Variants in RNF157 observed in about 807,000 individuals in gnomAD.
RNF157 encodes ring finger protein 157, also known as E3 ubiquitin ligase RNF157.
RNF157 carries 55 observed loss-of-function variants against 88.3 expected under a neutral mutation model. The observed-to-expected ratio is 0.62, with a 90% CI of 0.50 to 0.78. RNF157 has a LOEUF of 0.78. Among genes scored for constraint, RNF157 ranks in the 30% least tolerant of loss-of-function variants. RNF157 has a pLI of 0.00. For synonymous variants in RNF157, 334 were observed against 341.2 expected, an observed-to-expected ratio of 0.98 and a Z score of 0.23; for missense variants, 788 against 860.8, an observed-to-expected ratio of 0.92 and a Z score of 1.06.
chr17:76,194,831 T>A (rs371195412), intron 2 of RNF157, among the ~76,000 whole-genome samples: 2 of 151,946 alleles, frequency 1.3e-5, no homozygotes, highest in East Asian at 1.9e-4. Context: ...CTGGCTAACA[T>A]GGTGAAACCC....
At chr17:76,178,910 C>T (rs1479642002) in intron 2 of RNF157, among the ~76,000 whole-genome samples, 1 of 152,012 alleles carries the variant, frequency 6.6e-6, no homozygotes, top group African/African-American at 2.4e-5. Context: ...CCCCAAGACG[C>T]TCTGGATGCA....
intron 18 of RNF157, among the ~76,000 whole-genome samples, chr17:76,145,772 G>A (rs2068575958): frequency 6.6e-6 from 1 of 152,220 alleles, no homozygotes; most frequent in South Asian, 2.1e-4. Context: ...TGAGAAGACT[G>A]TTCGTTCTGG....
rs1160661012 is a variant in RNF157, at chr17:76,196,000, T to C, written c.207+16364A>G. 2.0e-5 allele frequency among the ~76,000 whole-genome samples: 3 copies of C among 152,224 alleles called. No homozygotes were observed. The highest frequency in any genetic ancestry group is 7.2e-5 in the African/African-American group (3 of 41,470). On this transcript the variant is annotated intron_variant, in intron 2 of 18. Transcript: ENST00000269391. The surrounding 1 kb of genome is among the most constrained non-coding windows in gnomAD (Gnocchi z 4.4). The stretch of plus-strand genomic sequence containing the variant: ...GGAAGGTACTATCCTTCTTGAAATT[T>C]CTTTATAATTTGTCCCTTAATTTGC...
intron 2 of RNF157, among the ~76,000 whole-genome samples, chr17:76,185,626 C>T (rs1246372228): frequency 1.3e-5 from 2 of 151,826 alleles, no homozygotes; most frequent in East Asian, 1.9e-4. Flanking sequence ...CCCGCTACCA[C>T]GCCCGGCTAA....
chr17:76,236,437 T>C (rs1399483048), intron 1 of RNF157, among the ~76,000 whole-genome samples: 1 of 152,204 alleles, frequency 6.6e-6, no homozygotes, highest in Non-Finnish European at 1.5e-5. Flanking sequence ...CTTTCTTTGC[T>C]AAACAAATGA....
chr17:76,239,680 G>A (rs944736490), intron 1 of RNF157, among the ~76,000 whole-genome samples: 1 of 152,180 alleles, frequency 6.6e-6, no homozygotes, highest in African/African-American at 2.4e-5. Context: ...CCAGGAGACG[G>A]CAGCGCAGGG....
At chr17:76,162,030 A>G (rs1000291720) in intron 9 of RNF157, 28 bp from the exon 10 acceptor site, 3 of 1,607,526 alleles carry the variant, frequency 1.9e-6, no homozygotes, top group Admixed American at 3.3e-5. Flanking sequence ...AATGTAGCCA[A>G]TGGCACAAAG....
intron 1 of RNF157, among the ~76,000 whole-genome samples, chr17:76,220,593 G>C (rs1467514573): frequency 1.3e-5 from 2 of 152,100 alleles, no homozygotes; most frequent in African/African-American, 4.8e-5. Context: ...GGAAGGCCTT[G>C]AGCCCAGAAG....
intron 1 of RNF157, among the ~76,000 whole-genome samples, chr17:76,214,126 G>A (rs1053525911): frequency 2.0e-5 from 3 of 152,164 alleles, no homozygotes; most frequent in African/African-American, 7.2e-5. Context: ...TGGGGCTTGC[G>A]ATGGGCATCA....
intron 1 of RNF157, among the ~76,000 whole-genome samples, chr17:76,239,204 A>C (rs1204135254): frequency 6.6e-6 from 1 of 152,226 alleles, no homozygotes; most frequent in East Asian, 1.9e-4. Context: ...ATTAATTAAA[A>C]TAAAACTACT....
Position 76,146,355 on chromosome 17 carries a change from A to T in RNF157, c.1922-1002T>A, listed in dbSNP as rs935873710. ...GAGCGTTGGTGAGTATCTGACTCCT[A>T]GAATAGCCTGTGCTCAGGCTCCTCC... On this transcript the variant is annotated intron_variant, in intron 18 of 18. Transcript: ENST00000269391. This position sits in a 1 kb window ranked among gnomAD's most constrained non-coding sequence, Gnocchi z 4.2. 2.0e-6 allele frequency: 2 copies of T among 985,320 alleles called. No individual in the cohort carries two copies. Among genetic ancestry groups the T allele is most frequent in the African/African-American group, 3.5e-5 (2 of 57,192 alleles). The allele number at this position is 985,320 out of a possible 1,614,324, so 61.0% of individuals were successfully genotyped here.
intron 17 of RNF157, chr17:76,153,983 T>C: frequency 3.2e-6 from 1 of 317,158 alleles, no homozygotes; most frequent in African/African-American, 2.2e-5. Flanking sequence ...AGGCTGATGA[T>C]GGGAGCTGCT....
Position 76,211,859 on chromosome 17 carries a change from C to G in RNF157, c.207+505G>C, listed in dbSNP as rs531450865. On this transcript the variant is annotated intron_variant, in intron 2 of 18. Transcript: ENST00000269391. ...AGAGAAATGTATTCTCATATCAACT[C>G]ATATATCAAGAGAAAAATTTTCAGT... 695 of 152,604 alleles carry G rather than the reference C, an allele frequency of 4.6e-3. 3 individuals carry two copies. Among genetic ancestry groups the G allele is most frequent in the Non-Finnish European group, 8.2e-3 (560 of 68,264 alleles). 9.5% of individuals were successfully genotyped at this position (152,604 alleles called of 1,614,324 possible). A position where few individuals can be genotyped will look rare whatever the true frequency, so the allele number is the denominator to read the frequency against.
intron 8 of RNF157, chr17:76,163,690 G>A (rs892928492): frequency 6.6e-6 from 1 of 152,212 alleles, no homozygotes; most frequent in Admixed American, 6.5e-5. Context: ...CGTTTTAACA[G>A]TCTGTTGCTA....
At chr17:76,223,123 C>T (rs1001359492) in intron 1 of RNF157, among the ~76,000 whole-genome samples, 2 of 151,654 alleles carry the variant, frequency 1.3e-5, no homozygotes, top group Non-Finnish European at 2.9e-5. Context: ...ATCTCCTGAC[C>T]TCGTGATCCG....
At chr17:76,230,858 AAGAGAG>A (rs1157555551) in intron 1 of RNF157, among the ~76,000 whole-genome samples, 1,371 of 55,048 alleles carry the variant, frequency 0.025, 19 homozygotes, top group East Asian at 0.057. Flanking sequence ...AAAAAAAAAA[AAGAGAG>A]AGAGAGAGAG....
intron 2 of RNF157, among the ~76,000 whole-genome samples, chr17:76,174,968 A>G (rs2069080425): frequency 6.6e-6 from 1 of 152,238 alleles, no homozygotes; most frequent in South Asian, 2.1e-4. Context: ...ACAAAGTAAT[A>G]TATGTTTAAG....
In RNF157 at chr17:76,167,109, T is replaced by C; in HGVS notation, c.461A>G (p.Asn154Ser). 1 of 1,612,390 alleles carries C rather than the reference T, an allele frequency of 6.2e-7. No individual in the cohort carries two copies. Among genetic ancestry groups the C allele is most frequent in the African/African-American group, 1.3e-5 (1 of 74,978 alleles). The part of the protein sequence containing the change: ...NGIASYIPKD[N>S]SLQSETVQYK... ...CTGCACAGTCTCCGACTGGAGGCTG[T>C]TGTCTTTGGGAATGTAGCTATTGAT... Residue 154 changes from asparagine (N) to serine (S), a missense_variant, in exon 5 of 19, where the codon AAC (asparagine) becomes AGC (serine). Coordinates refer to ENST00000269391, the MANE Select transcript of RNF157 (RefSeq NM_052916.3).
At chr17:76,231,479 G>A (rs990221248) in intron 1 of RNF157, among the ~76,000 whole-genome samples, 3 of 151,658 alleles carry the variant, frequency 2.0e-5, no homozygotes, top group Non-Finnish European at 4.4e-5. Context: ...AAAATTTTTT[G>A]TAGAGATGAG....
Sources: allele counts gnomAD v4.1 joint callset (sites outside exome capture counted in the v4.1 genomes callset), GRCh38; gene constraint gnomAD v4.1.1; non-coding constraint Gnocchi (gnomAD v3.1); transcripts MANE v1.5; gene names NCBI Gene and HGNC (gene_info 2026-07-23, HGNC 2026-07-21).